TMEM192: variants seen among roughly 807,000 people sequenced by gnomAD.
TMEM192 encodes transmembrane protein 192.
In TMEM192, 20 loss-of-function variants were observed where a neutral mutation model predicts 26.7. The ratio of observed to expected loss-of-function variants is 0.75; its 90% CI spans 0.53 to 1.09. The LOEUF (loss-of-function observed/expected upper bound fraction) is 1.09. Ranked by LOEUF, TMEM192 falls within the 50% of genes least tolerant of loss-of-function variation. The pLI is 0.00. For missense variants in TMEM192, 304 were observed against 322.6 expected, an observed-to-expected ratio of 0.94 and a Z score of 0.44; for synonymous variants, 124 against 121.0, an observed-to-expected ratio of 1.02 and a Z score of -0.16.
intron 3 of TMEM192, among the ~76,000 whole-genome samples, chr4:165,095,471 C>A (rs949988376): frequency 6.6e-6 from 1 of 152,238 alleles, no homozygotes; most frequent in East Asian, 1.9e-4. Context: ...CAGTCTCTGG[C>A]CCTCCCAAAG....
At chr4:165,089,145 G>A (rs1211541182) in intron 3 of TMEM192, among the ~76,000 whole-genome samples, 1 of 151,422 alleles carries the variant, frequency 6.6e-6, no homozygotes, top group Non-Finnish European at 1.5e-5. Context: ...GTAGAAATGT[G>A]AGTGGACAAA....
intron 5 of TMEM192, among the ~76,000 whole-genome samples, chr4:165,080,460 A>G (rs540812738): frequency 6.6e-6 from 1 of 152,278 alleles, no homozygotes; most frequent in South Asian, 2.1e-4. Flanking sequence ...TGATAATGAC[A>G]ATAATATGCC....
chr4:165,079,662 GTTC>G lies in TMEM192; in HGVS notation c.809_811del (p.Arg270del). ...GCTGTCATGACCGTGAGCCTCTCAC[GTTC>G]TACTTGGCTGACAGCCCAGGTCTGA... On this transcript the variant is annotated inframe_deletion, in exon 6 of 6. Coordinates refer to ENST00000306480, the MANE Select transcript of TMEM192 (RefSeq NM_001100389.2). 4 of 1,609,216 alleles carry G rather than the reference GTTC, an allele frequency of 2.5e-6. No individual in the cohort carries two copies. The highest frequency in any genetic ancestry group is 3.4e-6 in the Non-Finnish European group (4 of 1,177,502).
At chr4:165,084,512 T>C (rs1046533492) in intron 5 of TMEM192, among the ~76,000 whole-genome samples, 37 of 152,094 alleles carry the variant, frequency 2.4e-4, no homozygotes, top group African/African-American at 8.7e-4. Flanking sequence ...ACTTTCTTTA[T>C]ATATACTGAC....
At chr4:165,105,252 A>G (rs1182717511) in intron 1 of TMEM192, among the ~76,000 whole-genome samples, 1 of 152,214 alleles carries the variant, frequency 6.6e-6, no homozygotes, top group Non-Finnish European at 1.5e-5. Flanking sequence ...TGCTAGATGA[A>G]TGAATGAGTG....
intron 1 of TMEM192, among the ~76,000 whole-genome samples, chr4:165,107,023 T>TC (rs1367183158): frequency 3.3e-5 from 5 of 151,678 alleles, no homozygotes; most frequent in East Asian, 1.9e-4. Flanking sequence ...TTTTTTTCTC[T>TC]CTTTTTTTTT....
In TMEM192 at chr4:165,111,203, G is replaced by A. The variant is rs1390771652; in HGVS notation, c.27+1544C>T. Among the ~76,000 whole-genome samples, 5 of 152,130 alleles carry A rather than the reference G, an allele frequency of 3.3e-5. No individual in the cohort carries two copies. In the East Asian group the frequency reaches 7.7e-4, roughly 23 times the overall value. ...CAACCTCTGCCTTCCGGGTTCAAGC[G>A]ATTCTCCTGCCTCCCCAGTATCTGG... On this transcript the variant is annotated intron_variant, in intron 1 of 5. Coordinates refer to ENST00000306480, the MANE Select transcript of TMEM192 (RefSeq NM_001100389.2).
intron 1 of TMEM192, 46 bp downstream of exon 1, chr4:165,112,701 A>T (rs1218537209): frequency 6.2e-7 from 1 of 1,607,324 alleles, no homozygotes. Flanking sequence ...CGGCACAAGA[A>T]AAAGCGGATT....
At chr4:165,106,162 A>G (rs1293402067) in intron 1 of TMEM192, among the ~76,000 whole-genome samples, 2 of 152,178 alleles carry the variant, frequency 1.3e-5, no homozygotes, top group Non-Finnish European at 2.9e-5. Context: ...CAACCCAAAC[A>G]AAGACACTAC....
intron 3 of TMEM192, among the ~76,000 whole-genome samples, chr4:165,096,670 T>A (rs1428237292): frequency 1.3e-5 from 2 of 150,152 alleles, no homozygotes; most frequent in East Asian, 2.0e-4. Flanking sequence ...TTTTAAAAAA[T>A]AGAAATAAGG....
rs1320859035 is a variant in TMEM192, at chr4:165,076,373, T to C, written c.*3285A>G. 1 of 152,218 alleles carries C rather than the reference T, an allele frequency of 6.6e-6. No homozygotes were observed. Among genetic ancestry groups the C allele is most frequent in the Non-Finnish European group, 1.5e-5 (1 of 68,048 alleles). The allele number at this position is 152,218 out of a possible 1,614,324, so 9.4% of individuals were successfully genotyped here. A position where few individuals can be genotyped will look rare whatever the true frequency, so the allele number is the denominator to read the frequency against. On this transcript the variant is annotated 3_prime_UTR_variant, in exon 6 of 6. Transcript: ENST00000306480. The stretch of plus-strand genomic sequence containing the variant: ...ATTGTCACTTCCTTGCTTGAAATGC[T>C]TCAGAGGATCCCATTATCAACAAGA...
chr4:165,092,342 G>C lies in TMEM192; in HGVS notation c.440-3740C>G, dbSNP rs1248361947. 3.9e-5 allele frequency among the ~76,000 whole-genome samples: 6 copies of C among 152,072 alleles called. No homozygotes were observed. In the East Asian group the frequency reaches 1.2e-3, roughly 29 times the overall value. ...TCACCATGTTAGCCAGACTGATCTT[G>C]AACTTCTGACCGCAAGTGATCCGCG... On this transcript the variant is annotated intron_variant, in intron 3 of 5. Coordinates refer to ENST00000306480, the MANE Select transcript of TMEM192 (RefSeq NM_001100389.2).
intron 3 of TMEM192, among the ~76,000 whole-genome samples, chr4:165,098,336 G>T (rs1333745246): frequency 6.6e-6 from 1 of 152,134 alleles, no homozygotes. Context: ...TGTTGGCCAG[G>T]CTGGTCTCGA....
chr4:165,092,427 T>C (rs559553554), intron 3 of TMEM192, among the ~76,000 whole-genome samples: 22 of 152,240 alleles, frequency 1.4e-4, no homozygotes, highest in African/African-American at 5.3e-4. Flanking sequence ...CGGCCCACAG[T>C]GCTGTCCTAG....
rs1734593796 is a variant in TMEM192, at chr4:165,085,630, T to C, written c.633A>G (p.Lys211=). Residue 211 remains lysine, a synonymous_variant, in exon 5 of 6, where the codon AAA becomes AAG. Transcript: ENST00000306480. ...TAATATTGCTGGGGTAAGCATAGAT[T>C]TTTTCTTCTTCAAGTATATCAGGCT... is the stretch of plus-strand genomic sequence containing the variant. ...KPEPDILEEE[K]IYAYPSNITS... is the part of the protein sequence containing the mutation. The C allele has an allele frequency of 6.2e-7, 1 of 1,613,042 alleles. No homozygotes were observed. Among genetic ancestry groups the C allele is most frequent in the African/African-American group, 1.3e-5 (1 of 75,006 alleles).
At chr4:165,110,180 A>G (rs992290816) in intron 1 of TMEM192, among the ~76,000 whole-genome samples, 4 of 152,186 alleles carry the variant, frequency 2.6e-5, no homozygotes, top group African/African-American at 9.6e-5. Context: ...CTGAATCCAA[A>G]TGATTTTTTC....
At chr4:165,102,857 G>T in intron 2 of TMEM192, 93 bp downstream of exon 2, 162 of 1,023,952 alleles carry the variant, frequency 1.6e-4, no homozygotes, top group East Asian at 5.3e-4. Flanking sequence ...CATTTTAAAT[G>T]TTGATAGATA....
In TMEM192 at chr4:165,111,353, C is replaced by T. The variant is rs185103167; in HGVS notation, c.27+1394G>A. 2.7e-3 allele frequency among the ~76,000 whole-genome samples: 414 copies of T among 152,306 alleles called. 2 individuals carry two copies. Among genetic ancestry groups the T allele is most frequent in the Non-Finnish European group, 3.9e-3 (265 of 68,040 alleles). On this transcript the variant is annotated intron_variant, in intron 1 of 5. Coordinates refer to ENST00000306480, the MANE Select transcript of TMEM192 (RefSeq NM_001100389.2). ...AGGTTATCTGCCTGCCTCGGCCTCC[C>T]AAAGTGCTGGGATTACAGGCATGAG...
In TMEM192 at chr4:165,099,102, C is replaced by CTTT. The variant is rs1160535314; in HGVS notation, c.439+1523_439+1525dup. Among the ~76,000 whole-genome samples the CTTT allele has an allele frequency of 6.9e-3, 870 of 126,142 alleles. 19 individuals are homozygous for CTTT. The highest frequency in any genetic ancestry group is 0.032 in the South Asian group (127 of 3,930). 82.8% of individuals were successfully genotyped at this position (126,142 alleles called of 152,430 possible). ...TTATTTACTACAACTTTTTTTCTTTCTTTTTTTTTTTTTTTTTTTTGAGAT... is the reference window on the plus strand; with the variant it reads ...TTATTTACTACAACTTTTTTTCTTTCTTTTTTTTTTTTTTTTTTTTTTTGAGAT... On this transcript the variant is annotated intron_variant, in intron 3 of 5. Transcript: ENST00000306480.
Sources: allele counts gnomAD v4.1 joint callset (sites outside exome capture counted in the v4.1 genomes callset), GRCh38; gene constraint gnomAD v4.1.1; transcripts MANE v1.5; gene names NCBI Gene and HGNC (gene_info 2026-07-23, HGNC 2026-07-21).